The following ZNF516 variants were observed in gnomAD, a reference collection of about 807,000 sequenced individuals.
ZNF516 encodes zinc finger protein 516.
A neutral mutation model predicts 79.7 loss-of-function variants in ZNF516; 19 were observed. The ratio of observed to expected loss-of-function variants is 0.24; its 90% CI spans 0.17 to 0.35. The LOEUF is 0.35. ZNF516 is among the 10% of genes least tolerant of loss of function. The probability of loss-of-function intolerance (pLI) is 1.00; values close to 1 mark genes in which losing one functional copy is unlikely to be tolerated. For missense variants in ZNF516, 1,678 were observed against 1,679.5 expected, an observed-to-expected ratio of 1.00 and a Z score of 0.02; for synonymous variants, 877 against 739.5, an observed-to-expected ratio of 1.19 and a Z score of -3.02.
chr18:76,404,828 T>C (rs1223544254), intron 3 of ZNF516, among the ~76,000 whole-genome samples: 2 of 137,384 alleles, frequency 1.5e-5, no homozygotes, highest in Non-Finnish European at 3.4e-5. Flanking sequence ...CGAGTTTGCA[T>C]GTGTATCACT....
intron 1 of ZNF516, 92 bp from the exon 2 acceptor site, chr18:76,463,233 A>G (rs1402229436): frequency 2.0e-5 from 3 of 152,230 alleles, no homozygotes; most frequent in African/African-American, 7.2e-5. Context: ...AACAATGCCC[A>G]AGGACGTTTT....
intron 1 of ZNF516, chr18:76,491,600 G>A (rs958423104): frequency 1.5e-5 from 4 of 264,380 alleles, no homozygotes; most frequent in South Asian, 1.4e-4. Context: ...GGCCCTCCCC[G>A]TGCTTCTCCG....
chr18:76,391,961 AG>A (rs2075080030), intron 3 of ZNF516, among the ~76,000 whole-genome samples: 1 of 152,234 alleles, frequency 6.6e-6, no homozygotes, highest in South Asian at 2.1e-4. Context: ...TGACACTCAA[AG>A]GGAGAGGGAC....
chr18:76,398,461 C>T (rs1038113935), intron 3 of ZNF516, among the ~76,000 whole-genome samples: 2 of 152,192 alleles, frequency 1.3e-5, no homozygotes, highest in East Asian at 3.8e-4. Flanking sequence ...CCAGCTAGCA[C>T]AAAGGCCGTA....
chr18:76,403,393 A>C (rs1425867328), intron 3 of ZNF516, among the ~76,000 whole-genome samples: 1 of 152,214 alleles, frequency 6.6e-6, no homozygotes, highest in African/African-American at 2.4e-5. Flanking sequence ...GTGGTCATGC[A>C]TTCATGGACA....
At chr18:76,373,229 G>A (rs2074735612) in intron 4 of ZNF516, among the ~76,000 whole-genome samples, 1 of 150,970 alleles carries the variant, frequency 6.6e-6, no homozygotes, top group Non-Finnish European at 1.5e-5. Flanking sequence ...AAAGAGGAGA[G>A]AGGAGGGAAG....
intron 6 of ZNF516, among the ~76,000 whole-genome samples, chr18:76,366,339 C>A (rs759227590): frequency 6.6e-6 from 1 of 152,182 alleles, no homozygotes; most frequent in African/African-American, 2.4e-5. Flanking sequence ...AGTTGTTCTA[C>A]AAAAACCAAC....
intron 3 of ZNF516, among the ~76,000 whole-genome samples, chr18:76,431,157 T>C (rs1028512891): frequency 6.6e-6 from 1 of 152,072 alleles, no homozygotes; most frequent in Admixed American, 6.6e-5. Flanking sequence ...TAGCCTCAGA[T>C]TAGGTCCAGC....
chr18:76,483,117 C>T (rs539133051), intron 1 of ZNF516, among the ~76,000 whole-genome samples: 35 of 152,248 alleles, frequency 2.3e-4, no homozygotes, highest in Middle Eastern at 3.4e-3. Flanking sequence ...GTTTCTTAAG[C>T]GGCTCTTGCA....
intron 3 of ZNF516, among the ~76,000 whole-genome samples, chr18:76,425,382 A>G (rs1043108495): frequency 6.6e-6 from 1 of 152,222 alleles, no homozygotes; most frequent in African/African-American, 2.4e-5. Context: ...GCATTTTTTA[A>G]TCAAAACTAA....
chr18:76,401,752 A>C (rs1355678334), intron 3 of ZNF516, among the ~76,000 whole-genome samples: 1 of 132,706 alleles, frequency 7.5e-6, no homozygotes, highest in Non-Finnish European at 1.6e-5. Context: ...TCCACCACCA[A>C]CCACACCCCC....
intron 2 of ZNF516, among the ~76,000 whole-genome samples, chr18:76,457,928 ACT>A (rs1912828550): frequency 6.6e-6 from 1 of 151,984 alleles, no homozygotes; most frequent in South Asian, 2.1e-4. Flanking sequence ...AATGGAAAAT[ACT>A]CTTTTACTTC....
At position 76,358,006 on chromosome 18, in the gene ZNF516, C is replaced by T. The variant is rs762956230; in HGVS notation, c.*4492G>A. ...ACAAAAGAGTTGGAAAAAAACCACTCGGGCCATCTGGGCATCTGTTCAGAT... is the reference window on the plus strand; with the variant it reads ...ACAAAAGAGTTGGAAAAAAACCACTTGGGCCATCTGGGCATCTGTTCAGAT... On this transcript the variant is annotated 3_prime_UTR_variant, in exon 7 of 7. Coordinates refer to ENST00000443185, the MANE Select transcript of ZNF516 (RefSeq NM_014643.4). 4.6e-5 allele frequency among the ~76,000 whole-genome samples: 7 copies of T among 152,204 alleles called. No individual in the cohort carries two copies. The highest frequency in any genetic ancestry group is 1.0e-4 in the Non-Finnish European group (7 of 68,034).
intron 1 of ZNF516, among the ~76,000 whole-genome samples, chr18:76,485,312 T>G (rs1310423098): frequency 6.6e-6 from 1 of 152,208 alleles, no homozygotes; most frequent in Non-Finnish European, 1.5e-5. Flanking sequence ...TCAATGTGAA[T>G]GATGGTATTT....
intron 1 of ZNF516, among the ~76,000 whole-genome samples, chr18:76,490,449 T>C (rs985107729): frequency 1.3e-5 from 2 of 152,210 alleles, no homozygotes; most frequent in African/African-American, 4.8e-5. Context: ...CTCTTTTTAT[T>C]TTACACGGCA....
intron 3 of ZNF516, among the ~76,000 whole-genome samples, chr18:76,390,545 T>C (rs2075055802): frequency 6.6e-6 from 1 of 152,132 alleles, no homozygotes. Context: ...GACCAGGGGA[T>C]TCCAGGGAAG....
chr18:76,432,636 G>A (rs2075677460), intron 3 of ZNF516, among the ~76,000 whole-genome samples: 1 of 152,218 alleles, frequency 6.6e-6, no homozygotes, highest in Admixed American at 6.5e-5. Context: ...CAGCGCCAAT[G>A]AAACTCATGG....
At chr18:76,391,496 C>G (rs1316967765) in intron 3 of ZNF516, among the ~76,000 whole-genome samples, 2 of 152,114 alleles carry the variant, frequency 1.3e-5, no homozygotes, top group Non-Finnish European at 2.9e-5. Flanking sequence ...ACCCCTACAC[C>G]TAACCCAACT....
intron 1 of ZNF516, among the ~76,000 whole-genome samples, chr18:76,486,507 G>A (rs1188712443): frequency 6.6e-6 from 1 of 152,044 alleles, no homozygotes. Flanking sequence ...TTTTAATAGA[G>A]AACCTTGATT....
Sources: gnomAD v4.1 joint callset for allele counts (sites outside exome capture counted in the v4.1 genomes callset) on GRCh38, gnomAD v4.1.1 for gene constraint, MANE v1.5 for transcripts, NCBI Gene and HGNC (gene_info 2026-07-23, HGNC 2026-07-21) for gene names.